NME6: variants seen among roughly 807,000 people sequenced by gnomAD.
NME6 encodes the protein nucleoside diphosphate kinase 6, mitochondrial.
A neutral mutation model predicts 22.2 loss-of-function variants in NME6; 16 were observed. The observed-to-expected ratio is 0.72, with a 90% CI of 0.49 to 1.09. The LOEUF (loss-of-function observed/expected upper bound fraction) is 1.09. Among genes scored for constraint, NME6 ranks in the 50% least tolerant of loss-of-function variants. The pLI is 0.00. For synonymous variants in NME6, 58 were observed against 85.2 expected (o/e 0.68, Z 1.76); for missense variants, 229 against 239.0 (o/e 0.96, Z 0.28).
At chr3:48,296,248 A>G in intron 3 of NME6, 90 bp from the exon 4 acceptor site, 1 of 1,578,530 alleles carries the variant, frequency 6.3e-7, no homozygotes, top group South Asian at 1.1e-5. Flanking sequence ...TAGAATAATA[A>G]AAATTGTTTC....
chr3:48,288,750 A>C (rs1245521728), downstream of NME6: 1 of 152,184 alleles, frequency 6.6e-6, no homozygotes, highest in African/African-American at 2.4e-5. Flanking sequence ...TGTTATGAAG[A>C]GCATGATACA....
chr3:48,298,204 A>T (rs559752338), intron 2 of NME6: 174 of 579,598 alleles, frequency 3.0e-4, no homozygotes, highest in Admixed American at 3.9e-4. Context: ...CATTGTCTTG[A>T]TATTCGGTTC....
At chr3:48,296,295 T>C in intron 3 of NME6, 137 bp from the exon 4 acceptor site, 1 of 1,243,878 alleles carries the variant, frequency 8.0e-7, no homozygotes, top group South Asian at 1.3e-5. Flanking sequence ...CTGACAAACC[T>C]GGGTCTGAAT....
downstream of NME6, among the ~76,000 whole-genome samples, chr3:48,289,034 T>C (rs1024599169): frequency 1.3e-5 from 2 of 151,742 alleles, no homozygotes; most frequent in African/African-American, 4.8e-5. Flanking sequence ...GAGTTTTAAA[T>C]GGGGGTGACC....
chr3:48,297,297 C>A (rs1287687819), intron 2 of NME6, among the ~76,000 whole-genome samples: 1 of 152,236 alleles, frequency 6.6e-6, no homozygotes, highest in South Asian at 2.1e-4. Flanking sequence ...ATTCTCTAGT[C>A]TCACCATCGC....
At chr3:48,299,124 G>GT (rs2035439321) in intron 1 of NME6, 1 of 569,050 alleles carries the variant, frequency 1.8e-6, no homozygotes, top group South Asian at 2.4e-5. Context: ...GTCCTCAGTG[G>GT]TAACACTGAG....
chr3:48,295,120 C>T lies in NME6; in HGVS notation c.349G>A (p.Gly117Arg). The part of the protein sequence containing the change: ...ARHVAPDSIR[G>R]SFGLTDTRNT... ...CGGGTGTCAGTGAGGCCGAAACTCC[C>T]ACGGATAGAATCTGGGGCCACATGG... The change falls in exon 5 of 6, where the codon GGG becomes AGG. Residue 117 changes from glycine (G) to arginine (R), a missense_variant. Coordinates refer to ENST00000442597, the MANE Select transcript of NME6 (RefSeq NM_001308426.2). The T allele has an allele frequency of 6.2e-7, 1 of 1,614,146 alleles. No homozygotes were observed. Among genetic ancestry groups the T allele is most frequent in the African/African-American group, 1.3e-5 (1 of 75,032 alleles).
intron 4 of NME6, chr3:48,295,691 G>A (rs768613623): frequency 4.1e-6 from 1 of 245,890 alleles, no homozygotes; most frequent in Admixed American, 5.1e-5. Flanking sequence ...ACAGGCACCC[G>A]CCACCATGCC....
downstream of NME6, among the ~76,000 whole-genome samples, chr3:48,290,062 GTTT>G (rs2034349135): frequency 6.6e-6 from 1 of 151,506 alleles, no homozygotes; most frequent in African/African-American, 2.4e-5. Context: ...AAATACAATG[GTTT>G]TTTGTTTTTT....
intron 1 of NME6, 28 bp from the exon 2 acceptor site, chr3:48,298,551 C>T: frequency 6.5e-6 from 10 of 1,530,886 alleles, no homozygotes; most frequent in Non-Finnish European, 8.8e-6. Flanking sequence ...TATTAGGAAC[C>T]CTTCAGGACG....
chr3:48,298,574 T>C (rs2035368519), intron 1 of NME6, 51 bp from the exon 2 acceptor site: 1 of 1,372,206 alleles, frequency 7.3e-7, no homozygotes, highest in Non-Finnish European at 9.9e-7. Context: ...ACTCCCAGCC[T>C]TCCCTACATT....
chr3:48,300,032 C>T (rs1288788133), intron 1 of NME6, among the ~76,000 whole-genome samples: 1 of 152,182 alleles, frequency 6.6e-6, no homozygotes, highest in East Asian at 1.9e-4. Context: ...CAACTGCTAC[C>T]ACCATAACTC....
intron 4 of NME6, chr3:48,295,670 T>C (rs1052828648): frequency 8.3e-6 from 2 of 242,236 alleles, no homozygotes; most frequent in Non-Finnish European, 1.6e-5. Context: ...GCTTCCCGAG[T>C]AGTTGGGATT....
rs139048878 is a variant in NME6 at position 48,295,179 on chromosome 3, G to A, written c.290C>T (p.Thr97Met). 9.5e-5 allele frequency: 154 copies of A among 1,614,176 alleles called. 1 individual carries two copies. Among genetic ancestry groups the A allele is most frequent in the East Asian group, 8.0e-4 (36 of 44,884 alleles). ...GAACACTCTGGTGGGTCCCATGAGC[G>A]TCCTCCAGAGCTGGATGGCATCCTT... ...AHKDAIQLWR[T>M]LMGPTRVFRA... The change falls in exon 5 of 6, where the codon ACG (threonine) becomes ATG (methionine). Residue 97 changes from threonine to methionine, a missense_variant. By Grantham distance (81) the Thr-to-Met change is moderately conservative (BLOSUM62 -1). Coordinates refer to ENST00000442597, the MANE Select transcript of NME6 (RefSeq NM_001308426.2).
rs1253857393 is a variant in NME6, at chr3:48,294,100, T to TG, written c.*536dup. The TG allele has an allele frequency of 1.3e-5, 2 of 151,784 alleles. No individual in the cohort carries two copies. Among genetic ancestry groups the TG allele is most frequent in the African/African-American group, 4.8e-5 (2 of 41,326 alleles). 9.4% of individuals were successfully genotyped at this position (151,784 alleles called of 1,614,324 possible). ...AGACAAGCTTCTTTTTTTTTTTTTT[T>TG]GAGACAGAATGTCGCCCAGGCTGGA... On this transcript the variant is annotated 3_prime_UTR_variant, in exon 6 of 6. Transcript: ENST00000442597.
At chr3:48,301,178 C>G in intron 1 of NME6, 175 bp downstream of exon 1, 2 of 1,308,400 alleles carry the variant, frequency 1.5e-6, no homozygotes, top group Non-Finnish European at 2.1e-6. Flanking sequence ...GCCCCTACCC[C>G]CGTGGCCACG....
chr3:48,296,029 T>A, intron 4 of NME6, 90 bp downstream of exon 4: 1 of 963,146 alleles, frequency 1.0e-6, no homozygotes, highest in South Asian at 1.3e-5. Flanking sequence ...ATTACAACTT[T>A]AAAGAATGGC....
intron 1 of NME6, chr3:48,299,238 T>C (rs1016157721): frequency 2.4e-6 from 1 of 415,682 alleles, no homozygotes; most frequent in Non-Finnish European, 4.3e-6. Context: ...TAAATAAACC[T>C]ATATAGTCTT....
chr3:48,288,998 G>A (rs566238074), downstream of NME6, among the ~76,000 whole-genome samples: 19 of 152,188 alleles, frequency 1.2e-4, no homozygotes, highest in South Asian at 1.7e-3. Flanking sequence ...GGGGAGTGCC[G>A]GTCTTAGTAT....
Sources: allele counts gnomAD v4.1 joint callset (sites outside exome capture counted in the v4.1 genomes callset), GRCh38; gene constraint gnomAD v4.1.1; transcripts MANE v1.5; gene names NCBI Gene and HGNC (gene_info 2026-07-23, HGNC 2026-07-21).